The following WDR59 variants were observed in gnomAD, a reference collection of about 807,000 sequenced individuals.
WDR59 encodes the protein WD repeat domain 59.
A neutral mutation model predicts 131.2 loss-of-function variants in WDR59; 100 were observed. The observed-to-expected ratio is 0.76, with a 90% CI of 0.65 to 0.90. The LOEUF (loss-of-function observed/expected upper bound fraction) is 0.90. WDR59 is among the 40% of genes least tolerant of loss of function. WDR59 has a pLI of 0.00. For missense variants in WDR59, 1,203 were observed against 1,262.2 expected (o/e 0.95, Z 0.71); for synonymous variants, 601 against 466.2 (o/e 1.29, Z -3.72).
intron 1 of WDR59, among the ~76,000 whole-genome samples, chr16:74,976,959 A>G (rs965936915): frequency 6.6e-6 from 1 of 152,154 alleles, no homozygotes; most frequent in African/African-American, 2.4e-5. Flanking sequence ...CTGATTCAAA[A>G]TCACGGCACT....
At chr16:74,902,112 T>G (rs370810768) in intron 18 of WDR59, among the ~76,000 whole-genome samples, 11 of 152,252 alleles carry the variant, frequency 7.2e-5, no homozygotes, top group African/African-American at 2.7e-4. Context: ...TGTGTGATTA[T>G]TAATTCACTG....
chr16:74,900,771 GAA>G (rs1965512675), intron 18 of WDR59, among the ~76,000 whole-genome samples: 1 of 152,218 alleles, frequency 6.6e-6, no homozygotes, highest in South Asian at 2.1e-4. Flanking sequence ...AGCCACAAGA[GAA>G]ACAAACAATA....
chr16:74,906,307 C>A, intron 17 of WDR59, among the ~76,000 whole-genome samples: 2 of 356 alleles, frequency 5.6e-3, no homozygotes, highest in South Asian at 0.017. Flanking sequence ...GAGCAAGACT[C>A]CGTCTCAAAA....
At chr16:74,900,698 T>C (rs1306948570) in intron 18 of WDR59, among the ~76,000 whole-genome samples, 3 of 152,244 alleles carry the variant, frequency 2.0e-5, no homozygotes, top group African/African-American at 7.2e-5. Context: ...TGGCATTCCA[T>C]CTAGAGAATA....
Position 74,934,606 on chromosome 16 carries a change from C to T in WDR59, c.651+3544G>A, listed in dbSNP as rs114930819. On this transcript the variant is annotated intron_variant, in intron 8 of 25. Coordinates refer to ENST00000262144, the MANE Select transcript of WDR59 (RefSeq NM_030581.4). ...AGATAATTTCTCCTTTTCATTTACCCTTTTCTAAGGGTCCCTGCTACAAGC... is the reference window on the plus strand; with the variant it reads ...AGATAATTTCTCCTTTTCATTTACCTTTTTCTAAGGGTCCCTGCTACAAGC... 3.1e-3 allele frequency among the ~76,000 whole-genome samples: 469 copies of T among 152,214 alleles called. 2 individuals are homozygous for T. Among genetic ancestry groups the T allele is most frequent in the African/African-American group, 0.01 (425 of 41,570 alleles).
chr16:74,954,197 T>G (rs1389972904), intron 3 of WDR59, among the ~76,000 whole-genome samples: 1 of 151,902 alleles, frequency 6.6e-6, no homozygotes, highest in African/African-American at 2.4e-5. Context: ...TCACCTGAGG[T>G]CGAGAGTTTG....
chr16:74,887,003 G>A (rs1964801157), intron 23 of WDR59, among the ~76,000 whole-genome samples: 1 of 152,116 alleles, frequency 6.6e-6, no homozygotes, highest in Non-Finnish European at 1.5e-5. Context: ...TATTTACGAG[G>A]ACTTTTTGAA....
Position 74,874,323 on chromosome 16 carries a change from G to C in WDR59, c.2811C>G (p.Phe937Leu), listed in dbSNP as rs1964097787. 6.2e-7 allele frequency: 1 copy of C among 1,614,066 alleles called. No individual in the cohort carries two copies. ...CHVAVRGSSN[F>L]CLTCGHGGHT... ...GGCCACCGTGCCCACAGGTCAGGCA[G>C]AAATTGGACGATCCCCGCACAGCCA... The change falls in exon 26 of 26, where the codon TTC (phenylalanine) becomes TTG (leucine). Residue 937 changes from phenylalanine to leucine, a missense_variant. Transcript: ENST00000262144.
At chr16:74,909,797 G>T (rs1965994505) in intron 15 of WDR59, 25 bp downstream of exon 15, 1 of 1,603,214 alleles carries the variant, frequency 6.2e-7, no homozygotes, top group Non-Finnish European at 8.5e-7. Flanking sequence ...AGCCTAAGTT[G>T]GTATGACAGT....
At chr16:74,949,627 C>G in intron 5 of WDR59, 91 bp downstream of exon 5, 1 of 1,122,712 alleles carries the variant, frequency 8.9e-7, no homozygotes, top group Non-Finnish European at 1.3e-6. Context: ...AGGTCTGTAT[C>G]GAGGGGAAAC....
At position 74,903,944 on chromosome 16, in the gene WDR59, T is replaced by C; in HGVS notation, c.1866+3A>G. On this transcript the variant is annotated splice_donor_region_variant and intron_variant, in intron 18 of 25. Coordinates refer to ENST00000262144, the MANE Select transcript of WDR59 (RefSeq NM_030581.4). ...AATCAAAGGCTACGGCTCTGGCACT[T>C]ACCCGCTCCTTGTAGTAGAAGGAGC... is the stretch of plus-strand genomic sequence containing the variant. 1 of 1,605,870 alleles carries C rather than the reference T, an allele frequency of 6.2e-7. No homozygotes were observed. The highest frequency in any genetic ancestry group is 1.3e-5 in the African/African-American group (1 of 74,912).
chr16:74,886,177 CAAAAA>C (rs777732079), intron 24 of WDR59, 88 bp downstream of exon 24: 18 of 1,018,860 alleles, frequency 1.8e-5, no homozygotes, highest in Non-Finnish European at 1.2e-5. Context: ...ATTCTGTGTC[CAAAAA>C]AAAAAAAAGT....
At chr16:74,883,774 C>T (rs752132564) in intron 25 of WDR59, among the ~76,000 whole-genome samples, 10 of 152,190 alleles carry the variant, frequency 6.6e-5, no homozygotes, top group Non-Finnish European at 1.3e-4. Flanking sequence ...TGCACTCTTC[C>T]TTCCCAGCCC....
intron 6 of WDR59, among the ~76,000 whole-genome samples, 159 bp downstream of exon 6, chr16:74,948,360 A>G (rs556419935): frequency 7.9e-5 from 12 of 152,306 alleles, no homozygotes; most frequent in African/African-American, 2.6e-4. Context: ...CCCTTGCAAC[A>G]ACATGAGACT....
chr16:74,978,613 A>AT (rs1256217876), intron 1 of WDR59, among the ~76,000 whole-genome samples: 1 of 152,222 alleles, frequency 6.6e-6, no homozygotes, highest in African/African-American at 2.4e-5. Flanking sequence ...AGGGATGGAG[A>AT]TTGAGTACAC....
intron 10 of WDR59, among the ~76,000 whole-genome samples, chr16:74,921,032 T>C (rs114984913): frequency 3.3e-4 from 50 of 152,302 alleles, no homozygotes; most frequent in African/African-American, 1.1e-3. Context: ...TGTTACACTA[T>C]ACATGTTCCA....
intron 1 of WDR59, among the ~76,000 whole-genome samples, chr16:74,976,587 G>A (rs1438991882): frequency 6.6e-6 from 1 of 151,854 alleles, no homozygotes; most frequent in Non-Finnish European, 1.5e-5. Flanking sequence ...GACTACAGGT[G>A]CCCACCACCA....
intron 5 of WDR59, among the ~76,000 whole-genome samples, chr16:74,948,789 G>A (rs767017266): frequency 5.3e-5 from 8 of 152,056 alleles, no homozygotes; most frequent in Non-Finnish European, 1.2e-4. Flanking sequence ...ATCACCCGAG[G>A]TCAGAGTTCG....
intron 6 of WDR59, among the ~76,000 whole-genome samples, chr16:74,948,193 ATT>A (rs941075335): frequency 2.6e-5 from 4 of 152,220 alleles, no homozygotes; most frequent in Non-Finnish European, 4.4e-5. Context: ...CAGGCAGTTC[ATT>A]TTCTTCTCCC....
Sources: allele counts gnomAD v4.1 joint callset (sites outside exome capture counted in the v4.1 genomes callset), GRCh38; gene constraint gnomAD v4.1.1; transcripts MANE v1.5; gene names NCBI Gene and HGNC (gene_info 2026-07-23, HGNC 2026-07-21).